The following MTMR12 variants were observed in gnomAD, a reference collection of about 807,000 sequenced individuals.
The protein encoded by MTMR12 is myotubularin related protein 12.
In MTMR12, 33 loss-of-function variants were observed where a neutral mutation model predicts 96.7. The ratio of observed to expected loss-of-function variants is 0.34; its 90% confidence interval spans 0.26 to 0.46. MTMR12 has a LOEUF of 0.46. Among genes scored for constraint, MTMR12 ranks in the 20% least tolerant of loss-of-function variants. The probability of loss-of-function intolerance (pLI) is 1.00; values close to 1 mark genes in which losing one functional copy is unlikely to be tolerated. For synonymous variants in MTMR12, 298 were observed against 327.2 expected (o/e 0.91, Z 0.96); for missense variants, 721 against 896.1 (o/e 0.80, Z 2.49).
At chr5:32,258,532 C>G (rs1346660386) in intron 7 of MTMR12, among the ~76,000 whole-genome samples, 1 of 152,176 alleles carries the variant, frequency 6.6e-6, no homozygotes, top group Admixed American at 6.5e-5. Context: ...TCCAGAAGAT[C>G]CTGCTACTCA....
At chr5:32,266,442 C>G (rs1169945899) in intron 6 of MTMR12, among the ~76,000 whole-genome samples, 1 of 152,178 alleles carries the variant, frequency 6.6e-6, no homozygotes, top group African/African-American at 2.4e-5. Context: ...AATCCCAGCA[C>G]TTTGGGAGGC....
intron 1 of MTMR12, among the ~76,000 whole-genome samples, chr5:32,293,182 T>C (rs187960873): frequency 6.6e-6 from 1 of 152,308 alleles, no homozygotes; most frequent in East Asian, 1.9e-4. Context: ...TGATGGTTAA[T>C]ACTGAGTGTC....
intron 1 of MTMR12, among the ~76,000 whole-genome samples, chr5:32,307,330 A>G (rs1751401372): frequency 6.6e-6 from 1 of 152,156 alleles, no homozygotes; most frequent in Non-Finnish European, 1.5e-5. Flanking sequence ...CCTAGAGCAG[A>G]GCTCAGCACC....
chr5:32,232,167 TC>T (rs896165066), intron 15 of MTMR12, among the ~76,000 whole-genome samples: 7 of 151,618 alleles, frequency 4.6e-5, no homozygotes, highest in Admixed American at 1.3e-4. Context: ...CTGGAATGGG[TC>T]CCCCCCACCG....
intron 1 of MTMR12, among the ~76,000 whole-genome samples, chr5:32,283,662 G>A (rs1750399124): frequency 6.6e-6 from 1 of 152,226 alleles, no homozygotes; most frequent in Admixed American, 6.5e-5. Flanking sequence ...TGAAGTACCT[G>A]CTAGATCCAC....
At chr5:32,268,872 AAGTTCTT>A in intron 5 of MTMR12, 78 bp from the exon 6 acceptor site, 1 of 1,198,264 alleles carries the variant, frequency 8.3e-7, no homozygotes, top group Admixed American at 1.7e-5. Flanking sequence ...CAAGGTGTCT[AAGTTCTT>A]AGTCATGCCA....
intron 1 of MTMR12, among the ~76,000 whole-genome samples, chr5:32,303,159 G>A (rs1379992048): frequency 6.6e-6 from 1 of 152,126 alleles, no homozygotes; most frequent in Non-Finnish European, 1.5e-5. Context: ...CCTGTGCTAG[G>A]GGCTTTACAT....
chr5:32,246,170 G>GGTTTTTTTTTTTGTTT (rs1554056246), intron 10 of MTMR12, among the ~76,000 whole-genome samples: 23 of 82,822 alleles, frequency 2.8e-4, no homozygotes, highest in South Asian at 9.7e-4. Context: ...TGAGTAGACA[G>GGTTTTTTTTTTTGTTT]TTTTTTTTTT....
chr5:32,298,520 G>A (rs967147873), intron 1 of MTMR12, among the ~76,000 whole-genome samples: 2 of 152,068 alleles, frequency 1.3e-5, no homozygotes, highest in Non-Finnish European at 2.9e-5. Flanking sequence ...TCCATGAAAC[G>A]ACTCACTGAA....
intron 13 of MTMR12, among the ~76,000 whole-genome samples, chr5:32,236,314 G>A (rs1219250071): frequency 6.6e-6 from 1 of 152,186 alleles, no homozygotes; most frequent in Non-Finnish European, 1.5e-5. Flanking sequence ...TTGAGAGGCT[G>A]AGGCAGATGG....
rs529365122 is a variant in MTMR12 at position 32,312,396 on chromosome 5, G to C, written c.81+362C>G. Reference sequence around the variant, plus strand: ...GACGGACCCACGCGGGCTCCGAGCAGGCCCCGTTGGGGGCTCCGACCCACG... The same window carrying C: ...GACGGACCCACGCGGGCTCCGAGCACGCCCCGTTGGGGGCTCCGACCCACG... On this transcript the variant is annotated intron_variant, in intron 1 of 15. Transcript: ENST00000382142. This position sits in a 1 kb window ranked among gnomAD's most constrained non-coding sequence, Gnocchi z 5.0. Among the ~76,000 whole-genome samples, 3 of 152,326 alleles carry C rather than the reference G, an allele frequency of 2.0e-5. No individual in the cohort carries two copies. The highest frequency in any genetic ancestry group is 6.5e-5 in the Admixed American group (1 of 15,302).
intron 1 of MTMR12, among the ~76,000 whole-genome samples, chr5:32,293,520 T>C (rs1383954263): frequency 2.6e-5 from 4 of 152,302 alleles, no homozygotes; most frequent in Non-Finnish European, 1.5e-5. Context: ...TGGGACCCTG[T>C]GATCATGTAA....
chr5:32,277,510 C>T (rs982248538), intron 1 of MTMR12, among the ~76,000 whole-genome samples: 13 of 152,180 alleles, frequency 8.5e-5, no homozygotes, highest in Admixed American at 6.5e-4. Flanking sequence ...ACCAGCCTGG[C>T]CAACATGGCA....
At chr5:32,287,828 A>G (rs1170268230) in intron 1 of MTMR12, among the ~76,000 whole-genome samples, 1 of 152,176 alleles carries the variant, frequency 6.6e-6, no homozygotes, top group Admixed American at 6.5e-5. Flanking sequence ...AGAGGCAAGG[A>G]GTTTAGTGAC....
intron 1 of MTMR12, among the ~76,000 whole-genome samples, chr5:32,285,234 A>C (rs912361575): frequency 6.6e-6 from 1 of 151,944 alleles, no homozygotes; most frequent in Non-Finnish European, 1.5e-5. Flanking sequence ...GGCACACACC[A>C]GTAATCCCAG....
intron 1 of MTMR12, among the ~76,000 whole-genome samples, chr5:32,283,981 C>T (rs11953385): frequency 1.3e-5 from 2 of 152,138 alleles, no homozygotes; most frequent in East Asian, 1.9e-4. Context: ...GTATGTATGC[C>T]TGAGCAATTC....
At chr5:32,307,090 T>C (rs1751391834) in intron 1 of MTMR12, among the ~76,000 whole-genome samples, 1 of 152,214 alleles carries the variant, frequency 6.6e-6, no homozygotes, top group Admixed American at 6.5e-5. Context: ...ATCAGCAATA[T>C]TAATCCCAAT....
chr5:32,239,021 G>A lies in MTMR12; in HGVS notation c.1324C>T (p.Arg442Cys), dbSNP rs781322444. 37 of 1,599,800 alleles carry A rather than the reference G, an allele frequency of 2.3e-5. No homozygotes were observed. Among genetic ancestry groups the A allele is most frequent in the Non-Finnish European group, 1.6e-5 (19 of 1,171,908 alleles). The change falls in exon 13 of 16, where the codon CGC (arginine) becomes TGC (cysteine). Residue 442 changes from arginine (R) to cysteine (C), a missense_variant. Coordinates refer to ENST00000382142, the MANE Select transcript of MTMR12 (RefSeq NM_001040446.3). ...CTCACCTCCTCTTTGTCGTTCTGGCGGAGATGGTTGCAGCGATCCAAGAAA... is the reference window on the plus strand; with the variant it reads ...CTCACCTCCTCTTTGTCGTTCTGGCAGAGATGGTTGCAGCGATCCAAGAAA... ...HCFLDRCNHL[R>C]QNDKEEVPVF...
intron 1 of MTMR12, among the ~76,000 whole-genome samples, chr5:32,282,009 A>G (rs1485736420): frequency 6.6e-6 from 1 of 152,206 alleles, no homozygotes; most frequent in African/African-American, 2.4e-5. Flanking sequence ...AAGTTGCTAA[A>G]AGGTGGTAAC....
Sources: allele counts gnomAD v4.1 joint callset (sites outside exome capture counted in the v4.1 genomes callset), GRCh38; gene constraint gnomAD v4.1.1; non-coding constraint Gnocchi (gnomAD v3.1); transcripts MANE v1.5; gene names NCBI Gene and HGNC (gene_info 2026-07-23, HGNC 2026-07-21).